FNDC3B: variants seen among roughly 807,000 people sequenced by gnomAD.
The protein encoded by FNDC3B is fibronectin type III domain-containing protein 3B.
A neutral mutation model predicts 151.5 loss-of-function variants in FNDC3B; 12 were observed. That is an observed-to-expected ratio of 0.08 (90% CI 0.05 to 0.13). The LOEUF (loss-of-function observed/expected upper bound fraction) is 0.13. FNDC3B is among the 10% of genes least tolerant of loss of function. FNDC3B has a pLI of 1.00. For missense variants in FNDC3B, 1,214 were observed against 1,505.3 expected, an observed-to-expected ratio of 0.81 and a Z score of 3.20; for synonymous variants, 528 against 549.0, an observed-to-expected ratio of 0.96 and a Z score of 0.54.
chr3:172,249,016 T>C (rs1456130289), intron 5 of FNDC3B, among the ~76,000 whole-genome samples: 1 of 152,122 alleles, frequency 6.6e-6, no homozygotes, highest in African/African-American at 2.4e-5. Context: ...TTTGATCTTT[T>C]TTCCATGCGA....
intron 6 of FNDC3B, among the ~76,000 whole-genome samples, chr3:172,264,282 T>C (rs1385902518): frequency 6.6e-6 from 1 of 152,126 alleles, no homozygotes; most frequent in African/African-American, 2.4e-5. Context: ...CAGGCGTGAG[T>C]CACCACGCCC....
intron 10 of FNDC3B, 79 bp downstream of exon 10, chr3:172,307,580 C>G: frequency 9.1e-6 from 13 of 1,433,542 alleles, no homozygotes; most frequent in African/African-American, 1.4e-5. Flanking sequence ...CTAGTCCCAG[C>G]TACCTGGGAG....
chr3:172,251,419 A>G lies in FNDC3B; in HGVS notation c.668A>G (p.Asn223Ser), dbSNP rs748244162. 2.0e-5 allele frequency: 32 copies of G among 1,613,920 alleles called. No individual in the cohort carries two copies. In the East Asian group the frequency reaches 6.9e-4, roughly 35 times the overall value. Residue 223 changes from asparagine to serine, a missense_variant, in exon 6 of 26, where the codon AAT (asparagine) becomes AGT (serine). Transcript: ENST00000415807. The part of the protein sequence containing the change: ...IYKSSCTTVY[N>S]GYGKGHSGGS... The stretch of plus-strand genomic sequence containing the variant: ...AAAAGCAGCTGCACAACAGTATACA[A>G]TGGCTATGGGAAGGGCCATAGTGGT...
chr3:172,224,539 T>G (rs535296970), intron 3 of FNDC3B, among the ~76,000 whole-genome samples: 2 of 152,102 alleles, frequency 1.3e-5, no homozygotes, highest in African/African-American at 2.4e-5. Context: ...CCTGCTCCTG[T>G]TTTTTTTCCT....
chr3:172,085,363 G>A (rs1223043213), intron 1 of FNDC3B, among the ~76,000 whole-genome samples: 2 of 152,198 alleles, frequency 1.3e-5, no homozygotes, highest in East Asian at 3.9e-4. Context: ...TGACAACATG[G>A]CCTGCATTCC....
chr3:172,335,199 G>A, intron 15 of FNDC3B, 117 bp downstream of exon 15: 4 of 1,038,484 alleles, frequency 3.9e-6, no homozygotes, highest in Non-Finnish European at 5.4e-6. Context: ...ATTTGCAGAA[G>A]TTTTCTGCAT....
rs142484656 is a variant in FNDC3B, at chr3:172,059,798, C to T, written c.-29+20027C>T. Among the ~76,000 whole-genome samples, 391 of 152,146 alleles carry T rather than the reference C, an allele frequency of 2.6e-3. 3 individuals carry two copies. The highest frequency in any genetic ancestry group is 9.2e-3 in the African/African-American group (381 of 41,502). ...TGATACTTTTTTCCAGGATGCTGAC[C>T]GGATGGTTTTATGTAAGGATGTTTA... is the stretch of plus-strand genomic sequence containing the variant. On this transcript the variant is annotated intron_variant, in intron 1 of 25. Coordinates refer to ENST00000415807, the MANE Select transcript of FNDC3B (RefSeq NM_022763.4).
At chr3:172,376,487 A>C (rs995089024) in intron 23 of FNDC3B, among the ~76,000 whole-genome samples, 3 of 152,232 alleles carry the variant, frequency 2.0e-5, no homozygotes, top group African/African-American at 4.8e-5. Context: ...TCACTACTTA[A>C]ACCATGACTT....
chr3:172,091,902 G>GTT (rs1718853282), intron 1 of FNDC3B, among the ~76,000 whole-genome samples: 3 of 151,436 alleles, frequency 2.0e-5, no homozygotes, highest in Non-Finnish European at 4.4e-5. Flanking sequence ...GTGTGTGTGT[G>GTT]TGTGTGTTAG....
intron 1 of FNDC3B, among the ~76,000 whole-genome samples, chr3:172,052,796 A>G (rs1055849258): frequency 3.3e-5 from 5 of 152,168 alleles, no homozygotes; most frequent in South Asian, 4.1e-4. Context: ...ATCTGTCCCT[A>G]TAAGGTTTTC....
At chr3:172,377,655 G>A (rs1002070311) in intron 23 of FNDC3B, among the ~76,000 whole-genome samples, 2 of 152,162 alleles carry the variant, frequency 1.3e-5, no homozygotes, top group Admixed American at 6.5e-5. Flanking sequence ...TGTGCTGTTT[G>A]TCTGTGATTT....
chr3:172,245,128 C>CA (rs141682271), intron 4 of FNDC3B, among the ~76,000 whole-genome samples: 23,196 of 151,642 alleles, frequency 0.15, 1,950 homozygotes, highest in African/African-American at 0.23. Context: ...AAAGCTACTT[C>CA]AAAAAAAACT....
chr3:172,052,443 C>T (rs76507764), intron 1 of FNDC3B, among the ~76,000 whole-genome samples: 24 of 152,260 alleles, frequency 1.6e-4, no homozygotes, highest in South Asian at 4.1e-4. Context: ...TCTCCTCCCC[C>T]AAATGTGCCT....
rs188953826 is a variant in FNDC3B at position 172,068,900 on chromosome 3, C to G, written c.-29+29129C>G. Among the ~76,000 whole-genome samples, 12 of 152,182 alleles carry G rather than the reference C, an allele frequency of 7.9e-5. No homozygotes were observed. The East Asian group carries it at 2.3e-3, about 29-fold the overall frequency. On this transcript the variant is annotated intron_variant, in intron 1 of 25. Transcript: ENST00000415807. ...GCTTTATTTTATTATTTCCACTTTG[C>G]CAGTGAAGAAGCAGAGGTAGTGAGA...
chr3:172,183,429 T>C (rs1200489384), intron 3 of FNDC3B, among the ~76,000 whole-genome samples: 13 of 152,240 alleles, frequency 8.5e-5, no homozygotes, highest in Admixed American at 8.5e-4. Context: ...TTATGTCCAG[T>C]ATGGCTCTTG....
rs774165530 is a variant in FNDC3B, at chr3:172,251,243, A to G, written c.509-17A>G. The G allele has an allele frequency of 6.3e-7, 1 of 1,584,758 alleles. No individual in the cohort carries two copies. Among genetic ancestry groups the G allele is most frequent in the South Asian group, 1.1e-5 (1 of 89,380 alleles). On this transcript the variant is annotated splice_polypyrimidine_tract_variant and intron_variant, in intron 5 of 25. Coordinates refer to ENST00000415807, the MANE Select transcript of FNDC3B (RefSeq NM_022763.4). Reference sequence around the variant, plus strand: ...AATGTAAACTGAGTTTGGGTTTATCATAATCATCCATTTTAGAAATTATAC... The same window carrying G: ...AATGTAAACTGAGTTTGGGTTTATCGTAATCATCCATTTTAGAAATTATAC...
intron 6 of FNDC3B, among the ~76,000 whole-genome samples, chr3:172,261,136 C>A (rs1454742771): frequency 6.6e-6 from 1 of 152,212 alleles, no homozygotes; most frequent in East Asian, 1.9e-4. Flanking sequence ...CTTCCGCATT[C>A]TGTGGGCTGC....
At chr3:172,042,649 G>T (rs1304560104) in intron 1 of FNDC3B, among the ~76,000 whole-genome samples, 1 of 152,090 alleles carries the variant, frequency 6.6e-6, no homozygotes, top group Non-Finnish European at 1.5e-5. Flanking sequence ...CAAACAAGGG[G>T]ATTGAGATTT....
intron 1 of FNDC3B, among the ~76,000 whole-genome samples, chr3:172,062,584 A>T (rs1717265911): frequency 6.6e-6 from 1 of 151,992 alleles, no homozygotes; most frequent in Non-Finnish European, 1.5e-5. Context: ...GCGCCTGGCC[A>T]CTTTTCTCCT....
Sources: allele counts gnomAD v4.1 joint callset (sites outside exome capture counted in the v4.1 genomes callset), GRCh38; gene constraint gnomAD v4.1.1; transcripts MANE v1.5; gene names NCBI Gene and HGNC (gene_info 2026-07-23, HGNC 2026-07-21).